The following HDAC9 variants were observed in gnomAD, a reference collection of about 807,000 sequenced individuals.
HDAC9 encodes the protein MEF-2 interacting transcription repressor (MITR) protein.
HDAC9 carries 41 observed loss-of-function variants against 139.4 expected under a neutral mutation model. The ratio of observed to expected loss-of-function variants is 0.29; its 90% CI spans 0.23 to 0.38. The LOEUF is 0.38. Among genes scored for constraint, HDAC9 ranks in the 10% least tolerant of loss-of-function variants. The pLI is 1.00. For missense variants in HDAC9, 1,147 were observed against 1,297.0 expected (o/e 0.88, Z 1.78); for synonymous variants, 517 against 476.2 (o/e 1.09, Z -1.12).
At chr7:18,488,563 G>A (rs1796137683) in intron 1 of HDAC9, among the ~76,000 whole-genome samples, 1 of 151,848 alleles carries the variant, frequency 6.6e-6, no homozygotes, top group Non-Finnish European at 1.5e-5. Flanking sequence ...AATTTTGAGC[G>A]CAAATGGTGT....
chr7:18,785,793 T>C (rs1287976471), intron 16 of HDAC9, among the ~76,000 whole-genome samples: 1 of 152,122 alleles, frequency 6.6e-6, no homozygotes, highest in South Asian at 2.1e-4. Flanking sequence ...TTTTCTCAGT[T>C]CTTTTTCTAC....
intron 2 of HDAC9, among the ~76,000 whole-genome samples, chr7:18,207,851 G>T (rs902442074): frequency 3.3e-5 from 5 of 151,830 alleles, no homozygotes; most frequent in Non-Finnish European, 7.4e-5. Flanking sequence ...AGTAGCTGGG[G>T]TTACAGGCAT....
At chr7:18,495,539 G>C (rs1458585966), upstream of HDAC9, among the ~76,000 whole-genome samples, 1 of 152,088 alleles carries the variant, frequency 6.6e-6, no homozygotes, top group Admixed American at 6.6e-5. Context: ...ATTATGGTTG[G>C]AAAGATAGAG....
At chr7:18,732,696 CACGTGTAT>C (rs1786247746) in intron 13 of HDAC9, among the ~76,000 whole-genome samples, 1 of 132,150 alleles carries the variant, frequency 7.6e-6, no homozygotes. Flanking sequence ...TACACACACA[CACGTGTAT>C]GTGTGCGTAT....
intron 12 of HDAC9, among the ~76,000 whole-genome samples, chr7:18,713,927 G>T (rs1444217211): frequency 6.6e-6 from 1 of 152,084 alleles, no homozygotes; most frequent in African/African-American, 2.4e-5. Flanking sequence ...ATAAGTCGTT[G>T]ATAACAATGA....
At chr7:18,676,352 C>T (rs978252950) in intron 12 of HDAC9, among the ~76,000 whole-genome samples, 1 of 151,958 alleles carries the variant, frequency 6.6e-6, no homozygotes, top group Admixed American at 6.6e-5. Flanking sequence ...CCCCCTCCCC[C>T]ACCTACTATC....
intron 23 of HDAC9, among the ~76,000 whole-genome samples, chr7:18,938,800 C>T (rs1781831564): frequency 6.6e-6 from 1 of 152,172 alleles, no homozygotes; most frequent in African/African-American, 2.4e-5. Flanking sequence ...AAAAGATAGT[C>T]AAAGCCTTGG....
intron 2 of HDAC9, among the ~76,000 whole-genome samples, chr7:18,270,522 G>A (rs1458961209): frequency 6.6e-6 from 1 of 152,034 alleles, no homozygotes; most frequent in African/African-American, 2.4e-5. Context: ...TTTCTTTTGT[G>A]GGATACTACC....
chr7:18,814,646 T>C (rs1225057647), intron 17 of HDAC9, among the ~76,000 whole-genome samples: 2 of 152,174 alleles, frequency 1.3e-5, no homozygotes, highest in Non-Finnish European at 2.9e-5. Context: ...TTGATGTTCT[T>C]TATATATAAT....
At chr7:18,389,885 A>G (rs908749846) in intron 1 of HDAC9, among the ~76,000 whole-genome samples, 3 of 152,212 alleles carry the variant, frequency 2.0e-5, no homozygotes, top group Non-Finnish European at 4.4e-5. Flanking sequence ...CTGGGATTGT[A>G]TACTTTAGAG....
In HDAC9 at chr7:18,996,141, T is replaced by A; in HGVS notation, c.*79T>A. The A allele has an allele frequency of 2.0e-6, 2 of 1,000,892 alleles. No homozygotes were observed. Among genetic ancestry groups the A allele is most frequent in the Non-Finnish European group, 3.1e-6 (2 of 652,930 alleles). 62.0% of individuals were successfully genotyped at this position (1,000,892 alleles called of 1,614,324 possible). ...CCACCCCAGTACCCTCAGACATGTC[T>A]TGTCTGCTGCCTGGGTGGCACAGAT... On this transcript the variant is annotated 3_prime_UTR_variant, in exon 26 of 26. Coordinates refer to ENST00000686413, the MANE Select transcript of HDAC9 (RefSeq NM_178425.4).
rs998555249 is a variant in HDAC9 at position 18,835,802 on chromosome 7, T to C, written c.2587-98T>C. ...GGCTGATTTGATGTGTTGTTTGATG[T>C]TTATTTCAAGAGCTCCCATGTGCTT... On this transcript the variant is annotated intron_variant, in intron 20 of 25. Transcript: ENST00000686413. 6.2e-5 allele frequency: 62 copies of C among 996,964 alleles called. No individual in the cohort carries two copies. In the Middle Eastern group the frequency reaches 6.4e-4, roughly 10 times the overall value. The allele number at this position is 996,964 out of a possible 1,614,324, so 61.8% of individuals were successfully genotyped here.
chr7:18,809,921 A>G (rs1036788429), intron 17 of HDAC9, among the ~76,000 whole-genome samples: 1 of 152,020 alleles, frequency 6.6e-6, no homozygotes, highest in Non-Finnish European at 1.5e-5. Flanking sequence ...CTGCCCTCTC[A>G]TGCTCTTTGA....
At chr7:18,742,051 G>C (rs767121738) in intron 13 of HDAC9, among the ~76,000 whole-genome samples, 21 of 152,064 alleles carry the variant, frequency 1.4e-4, no homozygotes, top group Non-Finnish European at 2.5e-4. Context: ...AGATGCAGTG[G>C]GCATTGTTGA....
At chr7:18,352,911 C>A (rs982942085) in intron 1 of HDAC9, among the ~76,000 whole-genome samples, 1 of 152,082 alleles carries the variant, frequency 6.6e-6, no homozygotes, top group Non-Finnish European at 1.5e-5. Flanking sequence ...TAGGGTGTTG[C>A]AGAAGGTCAG....
At chr7:18,783,580 G>A (rs1791435248) in intron 16 of HDAC9, among the ~76,000 whole-genome samples, 1 of 151,910 alleles carries the variant, frequency 6.6e-6, no homozygotes, top group South Asian at 2.1e-4. Context: ...TATTCTCCCA[G>A]GGCACTGCCC....
chr7:18,378,008 A>C (rs192672525), intron 1 of HDAC9, among the ~76,000 whole-genome samples: 1 of 152,338 alleles, frequency 6.6e-6, no homozygotes, highest in Admixed American at 6.5e-5. Context: ...TAGATGCAAG[A>C]AAATGAGTAA....
At chr7:18,490,244 C>T (rs1242014634) in intron 1 of HDAC9, among the ~76,000 whole-genome samples, 1 of 151,982 alleles carries the variant, frequency 6.6e-6, no homozygotes, top group Non-Finnish European at 1.5e-5. Context: ...ATACAGATTC[C>T]TTCCAGAGAT....
At chr7:18,260,882 C>T (rs1212050770) in intron 2 of HDAC9, among the ~76,000 whole-genome samples, 1 of 152,136 alleles carries the variant, frequency 6.6e-6, no homozygotes, top group Admixed American at 6.5e-5. Flanking sequence ...CAAGCTCTTA[C>T]TTTAGAAGTC....
Sources: gnomAD v4.1 joint callset for allele counts (sites outside exome capture counted in the v4.1 genomes callset) on GRCh38, gnomAD v4.1.1 for gene constraint, MANE v1.5 for transcripts, NCBI Gene and HGNC (gene_info 2026-07-23, HGNC 2026-07-21) for gene names.